The following SLC4A7 variants were observed in gnomAD, a reference collection of about 807,000 sequenced individuals.
The protein encoded by SLC4A7 is solute carrier family 4 member 7, also known as sodium bicarbonate cotransporter 3.
Under a neutral mutation model 137.6 loss-of-function variants are expected in SLC4A7, and 51 were observed. That is an observed-to-expected ratio of 0.37 (90% CI 0.30 to 0.47). SLC4A7 has a LOEUF of 0.47. Among genes scored for constraint, SLC4A7 ranks in the 20% least tolerant of loss-of-function variants. The pLI is 1.00. For missense variants in SLC4A7, 1,247 were observed against 1,525.4 expected (o/e 0.82, Z 3.04); for synonymous variants, 542 against 518.6 (o/e 1.05, Z -0.61).
At position 27,465,734 on chromosome 3, in the gene SLC4A7, C is replaced by A. The variant is rs569143857; in HGVS notation, c.61-13236G>T. ...CAGCACTTTGAGAGGCCGAGGCGGA[C>A]GAATCACGAGATCAGGAGATCGAAA... On this transcript the variant is annotated intron_variant, in intron 1 of 25. Coordinates refer to ENST00000454389, the MANE Select transcript of SLC4A7 (RefSeq NM_001321103.2). Among the ~76,000 whole-genome samples, 3 of 151,682 alleles carry A rather than the reference C, an allele frequency of 2.0e-5. No homozygotes were observed. In the East Asian group the frequency reaches 5.8e-4, roughly 30 times the overall value.
At chr3:27,395,257 T>C in intron 18 of SLC4A7, 142 bp from the exon 19 acceptor site, 1 of 562,302 alleles carries the variant, frequency 1.8e-6, no homozygotes, top group Non-Finnish European at 3.0e-6. Flanking sequence ...TGAATTATTT[T>C]CAAAGATGGC....
intron 15 of SLC4A7, among the ~76,000 whole-genome samples, chr3:27,402,339 A>T (rs2052842172): frequency 6.6e-6 from 1 of 152,070 alleles, no homozygotes; most frequent in African/African-American, 2.4e-5. Flanking sequence ...AAAGATTTTC[A>T]TTGCACTTTT....
intron 3 of SLC4A7, among the ~76,000 whole-genome samples, chr3:27,445,879 C>G (rs529033569): frequency 8.1e-6 from 1 of 123,784 alleles, no homozygotes. Context: ...TTGCAGTGAG[C>G]TGAGATCGTG....
intron 8 of SLC4A7, 99 bp downstream of exon 8, chr3:27,423,938 A>C (rs1237324028): frequency 1.4e-6 from 1 of 708,044 alleles, no homozygotes; most frequent in African/African-American, 1.8e-5. Context: ...AGTCTACTAA[A>C]AAATTACTAT....
intron 7 of SLC4A7, 41 bp downstream of exon 7, chr3:27,431,255 CAG>C (rs765220385): frequency 6.6e-7 from 1 of 1,522,164 alleles, no homozygotes; most frequent in Non-Finnish European, 8.8e-7. Context: ...GCAAGTGACT[CAG>C]AGGCAGAAAG....
intron 3 of SLC4A7, among the ~76,000 whole-genome samples, chr3:27,446,919 T>C: frequency 6.9e-6 from 1 of 144,492 alleles, no homozygotes; most frequent in South Asian, 2.3e-4. Context: ...AGTCTCGCTC[T>C]GTCACCCAGG....
At chr3:27,471,500 G>A (rs956713336) in intron 1 of SLC4A7, among the ~76,000 whole-genome samples, 2 of 152,120 alleles carry the variant, frequency 1.3e-5, no homozygotes, top group Non-Finnish European at 2.9e-5. Context: ...TGCCTCCCAG[G>A]TAGCTGGGAT....
chr3:27,466,250 G>C (rs530098293), intron 1 of SLC4A7, among the ~76,000 whole-genome samples: 1 of 151,644 alleles, frequency 6.6e-6, no homozygotes, highest in East Asian at 2.0e-4. Context: ...AGGAGATCGA[G>C]ACCATCCTGG....
intron 16 of SLC4A7, among the ~76,000 whole-genome samples, chr3:27,399,639 C>T (rs2052552915): frequency 6.8e-6 from 1 of 146,984 alleles, no homozygotes; most frequent in Non-Finnish European, 1.5e-5. Flanking sequence ...GCTATGTTGC[C>T]CAGGCTGGTC....
In SLC4A7 at chr3:27,375,167, T is replaced by G. The variant is rs2049817569; in HGVS notation, c.*1597A>C. The G allele has an allele frequency of 6.6e-6, 1 of 152,078 alleles. No individual in the cohort carries two copies. The highest frequency in any genetic ancestry group is 2.1e-4 in the South Asian group (1 of 4,834). The allele number at this position is 152,078 out of a possible 1,614,324, so 9.4% of individuals were successfully genotyped here. A position where few individuals can be genotyped will look rare whatever the true frequency, so the allele number is the denominator to read the frequency against. The stretch of plus-strand genomic sequence containing the variant: ...AATGAATTTAAAACACCAGACTTGC[T>G]AAAATTTCAGCTTTTGGCATTCCTC... On this transcript the variant is annotated 3_prime_UTR_variant, in exon 26 of 26. Transcript: ENST00000454389.
Position 27,379,347 on chromosome 3 carries a change from G to C in SLC4A7, c.3600C>G (p.Pro1200=). The change falls in exon 25 of 26, where the codon CCC becomes CCG. Residue 1200 remains proline, a synonymous_variant. Coordinates refer to ENST00000454389, the MANE Select transcript of SLC4A7 (RefSeq NM_001321103.2). ...PVKALKYSVD[P]SIVNISDEMA... ...TTTCATCTGATATGTTAACAATTGA[G>C]GGATCAACACTGAAGAACAAATACA... is the stretch of plus-strand genomic sequence containing the variant. 2.6e-6 allele frequency: 4 copies of C among 1,522,416 alleles called. No individual in the cohort carries two copies. The highest frequency in any genetic ancestry group is 2.5e-5 in the East Asian group (1 of 40,790). 94.3% of individuals were successfully genotyped at this position (1,522,416 alleles called of 1,614,324 possible).
chr3:27,431,159 G>GAA, intron 7 of SLC4A7, 139 bp downstream of exon 7: 13 of 906,136 alleles, frequency 1.4e-5, no homozygotes, highest in South Asian at 3.4e-5. Context: ...CTATCATAAA[G>GAA]AAAAAAAAAC....
Position 27,477,642 on chromosome 3 carries a change from T to TC in SLC4A7, c.60+6424dup, listed in dbSNP as rs75813652. ...TTTTTTTTTGGAGATGGAGTCTTGC[T>TC]CTGTTGCCCAGGAATGCAGTGGCGC... On this transcript the variant is annotated intron_variant, in intron 1 of 25. Transcript: ENST00000454389. Among the ~76,000 whole-genome samples, 371 of 152,278 alleles carry TC rather than the reference T, an allele frequency of 2.4e-3. 10 individuals carry two copies. In the East Asian group the frequency reaches 0.061, roughly 25 times the overall value.
intron 3 of SLC4A7, among the ~76,000 whole-genome samples, chr3:27,447,158 T>C (rs1174332941): frequency 6.6e-6 from 1 of 151,922 alleles, no homozygotes; most frequent in South Asian, 2.1e-4. Context: ...AGTACTGCAA[T>C]TGCAAGCGTG....
chr3:27,462,162 T>C (rs896754127), intron 1 of SLC4A7, among the ~76,000 whole-genome samples: 2 of 152,166 alleles, frequency 1.3e-5, no homozygotes, highest in Non-Finnish European at 2.9e-5. Context: ...CTAGTAAAGA[T>C]AGGGAGACAC....
chr3:27,445,124 T>C (rs2057488142), intron 3 of SLC4A7, among the ~76,000 whole-genome samples: 1 of 152,224 alleles, frequency 6.6e-6, no homozygotes, highest in African/African-American at 2.4e-5. Flanking sequence ...TTCCCAGCCT[T>C]GTGTGAAAGT....
intron 25 of SLC4A7, among the ~76,000 whole-genome samples, chr3:27,377,250 G>T (rs946803746): frequency 6.6e-6 from 1 of 151,748 alleles, no homozygotes; most frequent in African/African-American, 2.4e-5. Context: ...TTCCAAGAAG[G>T]TTATAAATTT....
intron 3 of SLC4A7, among the ~76,000 whole-genome samples, chr3:27,441,900 CTT>C (rs527582749): frequency 0.024 from 3,456 of 144,330 alleles, 146 homozygotes; most frequent in African/African-American, 0.083. Flanking sequence ...ATTAGTTTGA[CTT>C]TTTTTTTTTT....
At chr3:27,436,209 T>G (rs547589480) in intron 5 of SLC4A7, among the ~76,000 whole-genome samples, 179 bp downstream of exon 5, 37 of 152,362 alleles carry the variant, frequency 2.4e-4, no homozygotes, top group African/African-American at 8.4e-4. Context: ...ACTCTCTTAC[T>G]GATACTACAC....
Sources: allele counts gnomAD v4.1 joint callset (sites outside exome capture counted in the v4.1 genomes callset), GRCh38; gene constraint gnomAD v4.1.1; transcripts MANE v1.5; gene names NCBI Gene and HGNC (gene_info 2026-07-23, HGNC 2026-07-21).